The following NCOA2 variants were observed in gnomAD, a reference collection of about 807,000 sequenced individuals.
NCOA2 encodes the protein class E basic helix-loop-helix protein 75.
Under a neutral mutation model 145.1 loss-of-function variants are expected in NCOA2, and 21 were observed. That is an observed-to-expected ratio of 0.14 (90% CI 0.10 to 0.21). NCOA2 has a LOEUF of 0.21. Among genes scored for constraint, NCOA2 ranks in the 10% least tolerant of loss-of-function variants. NCOA2 has a pLI of 1.00. For missense variants in NCOA2, 1,472 were observed against 1,837.6 expected (o/e 0.80, Z 3.64); for synonymous variants, 619 against 637.5 (o/e 0.97, Z 0.44).
At chr8:70,247,506 G>T (rs150106035) in intron 2 of NCOA2, among the ~76,000 whole-genome samples, 142 of 152,194 alleles carry the variant, frequency 9.3e-4, no homozygotes, top group African/African-American at 3.1e-3. Flanking sequence ...TCAATGCAAT[G>T]CAATGCAATG....
At chr8:70,120,923 A>G (rs1177866350) in intron 22 of NCOA2, among the ~76,000 whole-genome samples, 2 of 152,242 alleles carry the variant, frequency 1.3e-5, no homozygotes, top group Admixed American at 6.5e-5. Context: ...ATCTAGCCTT[A>G]TAATTCAGAA....
At chr8:70,321,793 CTTTTTTTTTTTTTTTTT>C (rs559680322) in intron 1 of NCOA2, among the ~76,000 whole-genome samples, 2 of 73,558 alleles carry the variant, frequency 2.7e-5, no homozygotes, top group Non-Finnish European at 4.9e-5. Context: ...CAGAATATAC[CTTTTTTTTTTTTTTTTT>C]TTTTTTTTTT....
At chr8:70,424,526 G>A in the NCOA2 span, 27 of 530,700 alleles carry the variant, frequency 5.1e-5, no homozygotes, top group Non-Finnish European at 7.2e-5. Flanking sequence ...GGATGTTGGT[G>A]TTGAGTACTC....
At chr8:70,445,892 T>C in the NCOA2 span, among the ~76,000 whole-genome samples, 9 of 152,250 alleles carry the variant, frequency 5.9e-5, no homozygotes, top group Non-Finnish European at 1.2e-4. Flanking sequence ...AGCACTTTAA[T>C]TGTAAAATTA....
In NCOA2 at chr8:70,112,938, G is replaced by T. The variant is rs1308780557; in HGVS notation, c.*694C>A. 1 of 197,572 alleles carries T rather than the reference G, an allele frequency of 5.1e-6. No individual in the cohort carries two copies. 12.2% of individuals were successfully genotyped at this position (197,572 alleles called of 1,614,324 possible). On this transcript the variant is annotated 3_prime_UTR_variant, in exon 23 of 23. Coordinates refer to ENST00000452400, the MANE Select transcript of NCOA2 (RefSeq NM_006540.4). ...TTTGGTTTTAACAAAGAAAAAACAAGGAAAAAATATTTGCTAATGTTAACA... is the reference window on the plus strand; with the variant it reads ...TTTGGTTTTAACAAAGAAAAAACAATGAAAAAATATTTGCTAATGTTAACA...
chr8:70,210,379 TA>T (rs1199911762), intron 4 of NCOA2, among the ~76,000 whole-genome samples: 3 of 152,174 alleles, frequency 2.0e-5, no homozygotes, highest in African/African-American at 7.2e-5. Flanking sequence ...AACTAAGGAT[TA>T]TGAATGTCGG....
intron 1 of NCOA2, among the ~76,000 whole-genome samples, chr8:70,306,191 G>A (rs1220023003): frequency 1.3e-5 from 2 of 152,150 alleles, no homozygotes; most frequent in Non-Finnish European, 2.9e-5. Context: ...AGCAAACTTA[G>A]AAATCACGTT....
intron 4 of NCOA2, among the ~76,000 whole-genome samples, chr8:70,208,769 A>G (rs1358414593): frequency 6.6e-6 from 1 of 152,204 alleles, no homozygotes; most frequent in Non-Finnish European, 1.5e-5. Context: ...TTTTAAGCCC[A>G]TTGTTGAGAT....
At chr8:70,304,217 T>A (rs574699351) in intron 1 of NCOA2, among the ~76,000 whole-genome samples, 35 of 152,338 alleles carry the variant, frequency 2.3e-4, no homozygotes, top group African/African-American at 7.2e-4. Context: ...TCCTGTAATA[T>A]TATAATACCA....
In NCOA2 at chr8:70,126,533, GAC is replaced by G. The variant is rs913197387; in HGVS notation, c.3916+278_3916+279del. 4.0e-4 allele frequency: 184 copies of G among 460,784 alleles called. 2 individuals carry two copies. In the Admixed American group the frequency reaches 6.3e-3, roughly 16 times the overall value. 28.5% of individuals were successfully genotyped at this position (460,784 alleles called of 1,614,324 possible). A position where few individuals can be genotyped will look rare whatever the true frequency, so the allele number is the denominator to read the frequency against. ...TCCATACACGCTCGCACACAAGATA[GAC>G]ACAGTCTATGCACACACACTTACTT... On this transcript the variant is annotated intron_variant, in intron 19 of 22. Coordinates refer to ENST00000452400, the MANE Select transcript of NCOA2 (RefSeq NM_006540.4).
At chr8:70,366,438 G>T (rs1810695671) in intron 1 of NCOA2, among the ~76,000 whole-genome samples, 1 of 151,856 alleles carries the variant, frequency 6.6e-6, no homozygotes, top group South Asian at 2.1e-4. Flanking sequence ...CATGTGAACT[G>T]GCTTTAATAT....
intron 1 of NCOA2, 93 bp from the exon 2 acceptor site, chr8:70,296,893 G>A (rs1827130082): frequency 6.6e-6 from 1 of 152,170 alleles, no homozygotes; most frequent in Admixed American, 6.5e-5. Context: ...GATTTTCAAA[G>A]TAATACTTGT....
At position 70,131,882 on chromosome 8, in the gene NCOA2, C is replaced by A; in HGVS notation, c.3279G>T (p.Leu1093=). The A allele has an allele frequency of 1.2e-6, 2 of 1,602,554 alleles. No homozygotes were observed. Among genetic ancestry groups the A allele is most frequent in the East Asian group, 2.3e-5 (1 of 44,370 alleles). The change falls in exon 16 of 23, where the codon CTG becomes CTT. Residue 1093 remains leucine, a synonymous_variant. Coordinates refer to ENST00000452400, the MANE Select transcript of NCOA2 (RefSeq NM_006540.4). The part of the protein sequence containing the change: ...LYLALRNFDG[L]EEIDRALGIP... ...TTCCTAAGGCTCTATCAATCTCCTC[C>A]AGGCCATCAAAATTCCGCAAGGCCA...
chr8:70,265,284 A>G (rs146531391), intron 2 of NCOA2, among the ~76,000 whole-genome samples: 26 of 152,264 alleles, frequency 1.7e-4, no homozygotes, highest in African/African-American at 6.0e-4. Flanking sequence ...CAAGAAGGCC[A>G]CCATGTGTAA....
rs1000462338 is a variant in NCOA2 at position 70,206,140 on chromosome 8, C to G, written c.259+7763G>C. Among the ~76,000 whole-genome samples the G allele has an allele frequency of 2.0e-5, 3 of 152,270 alleles. No homozygotes were observed. In the East Asian group the frequency reaches 5.8e-4, roughly 29 times the overall value. On this transcript the variant is annotated intron_variant, in intron 4 of 22. Transcript: ENST00000452400. The stretch of plus-strand genomic sequence containing the variant: ...AAGGGCTCTTATCTACAAATGTGCC[C>G]GCAGTGTCACAATATGACTCTGCAT...
intron 1 of NCOA2, among the ~76,000 whole-genome samples, chr8:70,342,006 C>G (rs1191284251): frequency 6.6e-6 from 1 of 152,096 alleles, no homozygotes; most frequent in Non-Finnish European, 1.5e-5. Context: ...CTCCTAAAAA[C>G]AAACTTTTTA....
chr8:70,303,826 A>T (rs960632472), intron 1 of NCOA2, among the ~76,000 whole-genome samples: 1 of 152,158 alleles, frequency 6.6e-6, no homozygotes, highest in Admixed American at 6.5e-5. Context: ...GCAGAAATTA[A>T]TCTTTCTTAA....
At chr8:70,237,502 C>G (rs545000884) in intron 2 of NCOA2, among the ~76,000 whole-genome samples, 11 of 151,794 alleles carry the variant, frequency 7.2e-5, no homozygotes, top group Admixed American at 2.0e-4. Context: ...ATGGCTCATG[C>G]CTGTAATCCC....
intron 4 of NCOA2, among the ~76,000 whole-genome samples, chr8:70,175,971 C>T (rs910758540): frequency 4.6e-5 from 7 of 151,928 alleles, no homozygotes; most frequent in African/African-American, 1.2e-4. Context: ...GATGTGGGTC[C>T]TCCCAATCTT....
Sources: gnomAD v4.1 joint callset for allele counts (sites outside exome capture counted in the v4.1 genomes callset) on GRCh38, gnomAD v4.1.1 for gene constraint, MANE v1.5 for transcripts, NCBI Gene and HGNC (gene_info 2026-07-23, HGNC 2026-07-21) for gene names.